RNF130: variants seen among roughly 807,000 people sequenced by gnomAD.
RNF130 encodes E3 ubiquitin-protein ligase RNF130.
Under a neutral mutation model 44.6 loss-of-function variants are expected in RNF130, and 21 were observed. That is an observed-to-expected ratio of 0.47 (90% CI 0.33 to 0.68). The LOEUF (loss-of-function observed/expected upper bound fraction) is 0.68, where lower values mean the gene tolerates loss of function less well. RNF130 is among the 30% of genes least tolerant of loss of function. The probability of loss-of-function intolerance (pLI) is 0.02; values close to 1 mark genes in which losing one functional copy is unlikely to be tolerated. For synonymous variants in RNF130, 214 were observed against 210.4 expected, an observed-to-expected ratio of 1.02 and a Z score of -0.15; for missense variants, 479 against 560.6, an observed-to-expected ratio of 0.85 and a Z score of 1.47.
intron 3 of RNF130, among the ~76,000 whole-genome samples, chr5:179,982,248 T>C (rs1762856968): frequency 6.6e-6 from 1 of 151,334 alleles, no homozygotes; most frequent in South Asian, 2.1e-4. Flanking sequence ...TCTAATGTTA[T>C]CTAGTATCCC....
At chr5:179,964,642 G>A in intron 7 of RNF130, among the ~76,000 whole-genome samples, 1 of 152,216 alleles carries the variant, frequency 6.6e-6, no homozygotes, top group East Asian at 1.9e-4. Flanking sequence ...GCAGAATTGT[G>A]TGTGCATAGG....
At chr5:180,071,011 A>T (rs1399075357) in intron 1 of RNF130, among the ~76,000 whole-genome samples, 2 of 148,880 alleles carry the variant, frequency 1.3e-5, no homozygotes, top group Non-Finnish European at 3.0e-5. Flanking sequence ...CTTAAGAAAA[A>T]CGGCACGTTT....
At chr5:180,034,921 G>C (rs535271950) in intron 2 of RNF130, among the ~76,000 whole-genome samples, 1 of 152,218 alleles carries the variant, frequency 6.6e-6, no homozygotes, top group Middle Eastern at 3.4e-3. Flanking sequence ...TTTTAGTTGT[G>C]ATTTTGGTAA....
At chr5:179,963,880 G>T (rs1363865049) in intron 7 of RNF130, 7 of 298,916 alleles carry the variant, frequency 2.3e-5, no homozygotes, top group Non-Finnish European at 4.4e-5. Flanking sequence ...CAAGGACATA[G>T]ATTTTTTTCA....
chr5:179,928,356 GTTTT>G, intron 7 of RNF130, among the ~76,000 whole-genome samples: 1 of 144,834 alleles, frequency 6.9e-6, no homozygotes, highest in African/African-American at 2.5e-5. Context: ...TGGATATTTT[GTTTT>G]TTTTTTTCAT....
At chr5:180,051,124 T>C (rs1453302843) in intron 1 of RNF130, among the ~76,000 whole-genome samples, 2 of 152,122 alleles carry the variant, frequency 1.3e-5, no homozygotes, top group African/African-American at 4.8e-5. Flanking sequence ...TTTTAAAAAG[T>C]AAACTAAATG....
chr5:179,995,835 G>A (rs2115042), intron 3 of RNF130, among the ~76,000 whole-genome samples: 23,994 of 152,190 alleles, frequency 0.16, 2,045 homozygotes, highest in Admixed American at 0.19. Flanking sequence ...TGTCTGAAAT[G>A]TTCTGTTCAA....
intron 7 of RNF130, among the ~76,000 whole-genome samples, chr5:179,920,982 A>G (rs1761623055): frequency 6.6e-6 from 1 of 152,026 alleles, no homozygotes; most frequent in African/African-American, 2.4e-5. Flanking sequence ...CCCAAATTGC[A>G]CATACTTTCC....
intron 3 of RNF130, among the ~76,000 whole-genome samples, chr5:179,987,058 G>T (rs1427268269): frequency 1.3e-5 from 2 of 151,806 alleles, no homozygotes; most frequent in African/African-American, 4.8e-5. Context: ...TGAACTCTTT[G>T]TTTTTTTTCT....
chr5:179,939,529 T>C, intron 7 of RNF130: 1 of 257,028 alleles, frequency 3.9e-6, no homozygotes, highest in South Asian at 4.3e-5. Context: ...TTTCTACCCT[T>C]TCTCCGCCAT....
At chr5:179,946,399 T>G (rs248332) in intron 7 of RNF130, among the ~76,000 whole-genome samples, 102,408 of 152,120 alleles carry the variant, frequency 0.67, 35,000 homozygotes, top group South Asian at 0.82. Flanking sequence ...TTGCCTTTGG[T>G]CAGGCAAGAC....
chr5:179,996,545 C>T (rs1211407078), intron 3 of RNF130, among the ~76,000 whole-genome samples: 1 of 152,182 alleles, frequency 6.6e-6, no homozygotes, highest in Non-Finnish European at 1.5e-5. Context: ...TTATCAAATG[C>T]TTTTTCTGCA....
chr5:180,069,720 T>C (rs1582239011), intron 1 of RNF130, among the ~76,000 whole-genome samples: 1 of 152,234 alleles, frequency 6.6e-6, no homozygotes, highest in African/African-American at 2.4e-5. Flanking sequence ...GAGTTACTTT[T>C]ACAGTGTCAC....
intron 7 of RNF130, among the ~76,000 whole-genome samples, chr5:179,947,034 T>G (rs1762052330): frequency 1.3e-5 from 2 of 152,150 alleles, no homozygotes; most frequent in African/African-American, 4.8e-5. Flanking sequence ...CACTGTTGAG[T>G]GTGCACAAGT....
intron 2 of RNF130, among the ~76,000 whole-genome samples, chr5:180,029,745 T>A (rs956899495): frequency 3.3e-5 from 5 of 151,990 alleles, no homozygotes; most frequent in African/African-American, 9.7e-5. Context: ...TTGTTATGTC[T>A]AGAACAGGCT....
At chr5:179,958,363 G>C (rs184385032) in intron 8 of RNF130, among the ~76,000 whole-genome samples, 45 of 152,254 alleles carry the variant, frequency 3.0e-4, no homozygotes, top group Non-Finnish European at 6.3e-4. Context: ...GGGAGTACTG[G>C]GTCACAACAC....
At chr5:179,932,556 G>A (rs1030766452) in intron 7 of RNF130, among the ~76,000 whole-genome samples, 3 of 150,612 alleles carry the variant, frequency 2.0e-5, no homozygotes, top group African/African-American at 7.3e-5. Context: ...CACCACGCCC[G>A]GCCTTAGCTA....
intron 3 of RNF130, among the ~76,000 whole-genome samples, chr5:180,004,899 C>T (rs1160133595): frequency 6.6e-6 from 1 of 152,004 alleles, no homozygotes; most frequent in African/African-American, 2.4e-5. Flanking sequence ...GTAGTCTGCA[C>T]CCTCCTTCAT....
intron 7 of RNF130, among the ~76,000 whole-genome samples, chr5:179,945,564 CAG>C (rs1762024763): frequency 1.3e-5 from 2 of 152,078 alleles, no homozygotes; most frequent in Non-Finnish European, 2.9e-5. Flanking sequence ...GGTGAGAAAA[CAG>C]AGGCTGGGAG....
Sources: gnomAD v4.1 joint callset for allele counts (sites outside exome capture counted in the v4.1 genomes callset) on GRCh38, gnomAD v4.1.1 for gene constraint, MANE v1.5 for transcripts, NCBI Gene and HGNC (gene_info 2026-07-23, HGNC 2026-07-21) for gene names.